The following ZBTB26 variants were observed in gnomAD, a reference collection of about 807,000 sequenced individuals.
ZBTB26 encodes zinc finger and BTB domain containing 26, also known as zinc finger and BTB domain-containing protein 26.
Under a neutral mutation model 31.6 loss-of-function variants are expected in ZBTB26, and 12 were observed. The observed-to-expected ratio is 0.38, with a 90% CI of 0.24 to 0.61. The LOEUF (loss-of-function observed/expected upper bound fraction) is 0.61. Ranked by LOEUF, ZBTB26 falls within the 20% of genes least tolerant of loss-of-function variation. ZBTB26 has a pLI of 0.60. For missense variants in ZBTB26, 311 were observed against 521.9 expected, an observed-to-expected ratio of 0.60 and a Z score of 3.94; for synonymous variants, 155 against 182.9, an observed-to-expected ratio of 0.85 and a Z score of 1.23.
chr9:122,926,364 A>T (rs999482465), intron 1 of ZBTB26, among the ~76,000 whole-genome samples: 42 of 151,960 alleles, frequency 2.8e-4, no homozygotes, highest in African/African-American at 9.4e-4. Flanking sequence ...AAAATTAGCC[A>T]GGAGTGGTGG....
Position 122,919,991 on chromosome 9 carries a change from A to C in ZBTB26, c.-10-47T>G. Reference sequence around the variant, plus strand: ...AGGTTGAATTTAAGGAAACTCAGACAATTAAGAAAGCTGGATCTACCTTCC... The same window carrying C: ...AGGTTGAATTTAAGGAAACTCAGACCATTAAGAAAGCTGGATCTACCTTCC... On this transcript the variant is annotated intron_variant, in intron 1 of 1. Coordinates refer to ENST00000373656, the MANE Select transcript of ZBTB26 (RefSeq NM_020924.4). The surrounding 1 kb of genome is among the most constrained non-coding windows in gnomAD (Gnocchi z 6.1). 2 of 1,517,766 alleles carry C rather than the reference A, an allele frequency of 1.3e-6. No homozygotes were observed. The highest frequency in any genetic ancestry group is 1.8e-6 in the Non-Finnish European group (2 of 1,138,620). 94.0% of individuals were successfully genotyped at this position (1,517,766 alleles called of 1,614,324 possible). A position where few individuals can be genotyped will look rare whatever the true frequency, so the allele number is the denominator to read the frequency against.
chr9:122,920,593 A>C (rs1334970910), intron 1 of ZBTB26, among the ~76,000 whole-genome samples: 1 of 152,252 alleles, frequency 6.6e-6, no homozygotes, highest in African/African-American at 2.4e-5. Flanking sequence ...TATTCATACA[A>C]GTATTTCTGC....
In ZBTB26 at chr9:122,931,475, C is replaced by T. The variant is rs1287647200; in HGVS notation, c.-49G>A. 1 of 152,664 alleles carries T rather than the reference C, an allele frequency of 6.6e-6. No individual in the cohort carries two copies. Among genetic ancestry groups the T allele is most frequent in the Non-Finnish European group, 1.5e-5 (1 of 68,242 alleles). 9.5% of individuals were successfully genotyped at this position (152,664 alleles called of 1,614,324 possible). Reference sequence around the variant, plus strand: ...GGCCGCCGTCAGGATCCGGCACCGCCAGGAGCTCCGGCCCCTCGGGGCTCC... The same window carrying T: ...GGCCGCCGTCAGGATCCGGCACCGCTAGGAGCTCCGGCCCCTCGGGGCTCC... On this transcript the variant is annotated 5_prime_UTR_variant, in exon 1 of 2. Transcript: ENST00000373656.
At chr9:122,929,549 T>C (rs1014653499) in intron 1 of ZBTB26, among the ~76,000 whole-genome samples, 3 of 152,232 alleles carry the variant, frequency 2.0e-5, no homozygotes, top group African/African-American at 2.4e-5. Context: ...CATCTATCAA[T>C]AGTAATTTAT....
chr9:122,927,149 G>C (rs1051305028), intron 1 of ZBTB26, among the ~76,000 whole-genome samples: 1 of 152,142 alleles, frequency 6.6e-6, no homozygotes, highest in Non-Finnish European at 1.5e-5. Flanking sequence ...CAGTTACTGA[G>C]ATTAAATCTG....
rs1476170224 is a variant in ZBTB26 at position 122,919,758 on chromosome 9, T to G, written c.177A>C (p.Arg59Ser). Residue 59 changes from arginine to serine, a missense_variant, in exon 2 of 2, where the codon AGA becomes AGC. Arg to Ser is a moderately radical substitution (Grantham distance 110). Transcript: ENST00000373656. The surrounding 1 kb of genome is among the most constrained non-coding windows in gnomAD (Gnocchi z 6.1). ...TGGAATCATTCAGTAAAAATTGGTCTCTTAAGAAGGGGGAACCTGCAGCAA... is the reference window on the plus strand; with the variant it reads ...TGGAATCATTCAGTAAAAATTGGTCGCTTAAGAAGGGGGAACCTGCAGCAA... Reference protein sequence around the residue: ...IVFAAGSPFLRDQFLLNDSRE... With the variant: ...IVFAAGSPFLSDQFLLNDSRE... 3 of 1,614,158 alleles carry G rather than the reference T, an allele frequency of 1.9e-6. No homozygotes were observed. Among genetic ancestry groups the G allele is most frequent in the Non-Finnish European group, 2.5e-6 (3 of 1,180,022 alleles).
intron 1 of ZBTB26, among the ~76,000 whole-genome samples, chr9:122,924,615 CTTTCTTTT>C (rs1833150471): frequency 3.2e-4 from 3 of 9,356 alleles, no homozygotes; most frequent in Admixed American, 2.0e-3. Flanking sequence ...CAAATTTCAA[CTTTCTTTT>C]TTTTTTTTTT....
chr9:122,918,730 C>T lies in ZBTB26; in HGVS notation c.1205G>A (p.Cys402Tyr). ...DLTVDFDSFA[C>Y]TTVTDSKGCQ... ...CCCTTTAGAGTCTGTGACTGTTGTA[C>T]ATGCAAAAGAATCAAAATCCACTGT... The change falls in exon 2 of 2, where the codon TGT becomes TAT. Residue 402 changes from cysteine (C) to tyrosine (Y), a missense_variant. Transcript: ENST00000373656. 3.1e-6 allele frequency: 5 copies of T among 1,614,178 alleles called. No individual in the cohort carries two copies. The highest frequency in any genetic ancestry group is 4.2e-6 in the Non-Finnish European group (5 of 1,180,016).
At chr9:122,921,721 C>T (rs1243723956) in intron 1 of ZBTB26, among the ~76,000 whole-genome samples, 1 of 151,818 alleles carries the variant, frequency 6.6e-6, no homozygotes, top group Admixed American at 6.6e-5. Context: ...CACCTGAGGT[C>T]GGGAGTTCAA....
At position 122,919,058 on chromosome 9, in the gene ZBTB26, T is replaced by C; in HGVS notation, c.877A>G (p.Lys293Glu). ...RHLENYANHLKMHKLFMCLLC... is the reference protein window; with the variant it reads ...RHLENYANHLEMHKLFMCLLC... ...AGACACATAAAGAGTTTGTGCATTTTTAAATGGTTGGCGTAGTTCTCCAGG... is the reference window on the plus strand; with the variant it reads ...AGACACATAAAGAGTTTGTGCATTTCTAAATGGTTGGCGTAGTTCTCCAGG... Residue 293 changes from lysine (K) to glutamate (E), a missense_variant, in exon 2 of 2, where the codon AAA becomes GAA. Lys to Glu is a moderately conservative substitution (Grantham distance 56). Transcript: ENST00000373656. This position sits in a 1 kb window ranked among gnomAD's most constrained non-coding sequence, Gnocchi z 6.1. 6.2e-7 allele frequency: 1 copy of C among 1,614,238 alleles called. No individual in the cohort carries two copies. Among genetic ancestry groups the C allele is most frequent in the Non-Finnish European group, 8.5e-7 (1 of 1,180,044 alleles).
chr9:122,919,586 C>G lies in ZBTB26; in HGVS notation c.349G>C (p.Glu117Gln), dbSNP rs377062161. ...ASFLQMSHIVERCTQALWKFI... is the reference protein window; with the variant it reads ...ASFLQMSHIVQRCTQALWKFI... ...TTCCACAGGGCCTGTGTGCACCGTT[C>G]TACAATGTGGCTCATCTGAAGAAAA... The change falls in exon 2 of 2, where the codon GAA (glutamate) becomes CAA (glutamine). Residue 117 changes from glutamate (E) to glutamine (Q), a missense_variant. Physicochemically the swap from Glu to Gln is conservative, Grantham distance 29 (BLOSUM62 2). Around this residue, in one of 5 missense-constraint regions of ZBTB26, gnomAD observed 207 missense variants for 298.6 expected, o/e 0.69. Transcript: ENST00000373656. This position sits in a 1 kb window ranked among gnomAD's most constrained non-coding sequence, Gnocchi z 6.1. The G allele has an allele frequency of 5.1e-5, 82 of 1,614,082 alleles. No individual in the cohort carries two copies. The highest frequency in any genetic ancestry group is 6.7e-5 in the Non-Finnish European group (79 of 1,180,042).
intron 1 of ZBTB26, among the ~76,000 whole-genome samples, chr9:122,925,765 A>AT (rs59850053): frequency 0.99 from 102,811 of 103,940 alleles, 50,974 homozygotes; most frequent in South Asian, 0.99. Flanking sequence ...TGCCCAGCTA[A>AT]TTTTTTTTTT....
intron 1 of ZBTB26, among the ~76,000 whole-genome samples, chr9:122,924,956 TAA>T (rs75580356): frequency 1.3e-5 from 2 of 152,194 alleles, no homozygotes; most frequent in Non-Finnish European, 2.9e-5. Flanking sequence ...TTTAAACACT[TAA>T]AAAAAATTTT....
Position 122,919,707 on chromosome 9 carries a change from C to G in ZBTB26, c.228G>C (p.Gln76His). ...DSREVKISIL[Q>H]SSEVGRQLLL... ...GCAATTGTCTCCCCACTTCGGAACTCTGTAATATGGAGATTTTCACCTCTC... is the reference window on the plus strand; with the variant it reads ...GCAATTGTCTCCCCACTTCGGAACTGTGTAATATGGAGATTTTCACCTCTC... Residue 76 changes from glutamine to histidine, a missense_variant, in exon 2 of 2, where the codon CAG (glutamine) becomes CAC (histidine). By Grantham distance (24) the Gln-to-His change is conservative. Transcript: ENST00000373656. The surrounding 1 kb of genome is among the most constrained non-coding windows in gnomAD (Gnocchi z 6.1). The G allele has an allele frequency of 6.2e-7, 1 of 1,614,002 alleles. No homozygotes were observed. Among genetic ancestry groups the G allele is most frequent in the Non-Finnish European group, 8.5e-7 (1 of 1,179,976 alleles).
Position 122,919,519 on chromosome 9 carries a change from C to T in ZBTB26, c.416G>A (p.Cys139Tyr), listed in dbSNP as rs1279808690. The change falls in exon 2 of 2, where the codon TGT becomes TAT. Residue 139 changes from cysteine to tyrosine, a missense_variant. By Grantham distance (194) the Cys-to-Tyr change is radical. This residue lies in a region of ZBTB26 where 207 missense variants were observed against 298.6 expected (regional missense o/e 0.69). Coordinates refer to ENST00000373656, the MANE Select transcript of ZBTB26 (RefSeq NM_020924.4). The surrounding 1 kb of genome is among the most constrained non-coding windows in gnomAD (Gnocchi z 6.1). ...PKQPMDSKEGCEPQSASPQSK... is the reference protein window; with the variant it reads ...PKQPMDSKEGYEPQSASPQSK... ...CTGGGGAGAAGCACTCTGTGGTTCA[C>T]ATCCCTCTTTACTATCCATTGGTTG... The T allele has an allele frequency of 1.2e-6, 2 of 1,614,114 alleles. No homozygotes were observed. The highest frequency in any genetic ancestry group is 2.7e-5 in the African/African-American group (2 of 74,938).
intron 1 of ZBTB26, among the ~76,000 whole-genome samples, chr9:122,921,509 A>C (rs1833098746): frequency 6.6e-6 from 1 of 152,210 alleles, no homozygotes; most frequent in Non-Finnish European, 1.5e-5. Flanking sequence ...TTATCATCTT[A>C]ACTTCTGTAA....
chr9:122,926,666 T>C (rs771076606), intron 1 of ZBTB26, among the ~76,000 whole-genome samples: 5 of 152,234 alleles, frequency 3.3e-5, no homozygotes, highest in Non-Finnish European at 7.3e-5. Context: ...TAAAAACAAG[T>C]TATAACTTCA....
At chr9:122,925,993 G>A (rs959925681) in intron 1 of ZBTB26, among the ~76,000 whole-genome samples, 2 of 151,846 alleles carry the variant, frequency 1.3e-5, no homozygotes, top group Non-Finnish European at 1.5e-5. Flanking sequence ...CTCCCGACCC[G>A]GGTGATTCAC....
Position 122,919,294 on chromosome 9 carries a change from G to A in ZBTB26, c.641C>T (p.Ser214Leu). Residue 214 changes from serine (S) to leucine (L), a missense_variant, in exon 2 of 2, where the codon TCA becomes TTA. Transcript: ENST00000373656. This position sits in a 1 kb window ranked among gnomAD's most constrained non-coding sequence, Gnocchi z 6.1. ...ATTTATCAGGGAGTGCTGGGGCTCT[G>A]ATGAATGTAAAGCAGTGGGTTCAGA... ...ISSEPTALHS[S>L]EPQHSLINST... 1 of 1,614,184 alleles carries A rather than the reference G, an allele frequency of 6.2e-7. No individual in the cohort carries two copies. The highest frequency in any genetic ancestry group is 1.1e-5 in the South Asian group (1 of 91,076).
Sources: allele counts gnomAD v4.1 joint callset (sites outside exome capture counted in the v4.1 genomes callset), GRCh38; gene constraint gnomAD v4.1.1; regional missense constraint gnomAD v4.1.1; non-coding constraint Gnocchi (gnomAD v3.1); transcripts MANE v1.5; gene names NCBI Gene and HGNC (gene_info 2026-07-23, HGNC 2026-07-21).